Variants in BEST3 observed in about 807,000 individuals in gnomAD.
The protein encoded by BEST3 is bestrophin-3.
BEST3 carries 50 observed loss-of-function variants against 47.1 expected under a neutral mutation model. The ratio of observed to expected loss-of-function variants is 1.06; its 90% CI spans 0.85 to 1.34. BEST3 has a LOEUF of 1.34. Among genes scored for constraint, BEST3 ranks in the 40% most tolerant of loss-of-function variants. BEST3 has a pLI of 0.00. For missense variants in BEST3, 765 were observed against 817.0 expected, an observed-to-expected ratio of 0.94 and a Z score of 0.78; for synonymous variants, 282 against 298.8, an observed-to-expected ratio of 0.94 and a Z score of 0.58.
chr12:69,693,264 T>C (rs1394488402), intron 4 of BEST3, among the ~76,000 whole-genome samples: 4 of 23,436 alleles, frequency 1.7e-4, no homozygotes, highest in African/African-American at 9.5e-4. Flanking sequence ...TTCTTTTTTC[T>C]TTTTTTTTTT....
chr12:69,661,076 C>T (rs1025668256), intron 9 of BEST3: 5 of 152,170 alleles, frequency 3.3e-5, no homozygotes, highest in African/African-American at 1.2e-4. Context: ...AAGAAACAGG[C>T]TGATGAAGAT....
intron 7 of BEST3, 41 bp downstream of exon 7, chr12:69,676,875 C>T (rs1884954102): frequency 6.3e-7 from 1 of 1,594,240 alleles, no homozygotes; most frequent in Non-Finnish European, 8.6e-7. Context: ...GAGTCTGGAA[C>T]ATAACACATT....
chr12:69,645,956 A>C (rs1212652305), intron 9 of BEST3, among the ~76,000 whole-genome samples: 2 of 152,114 alleles, frequency 1.3e-5, no homozygotes, highest in Non-Finnish European at 2.9e-5. Flanking sequence ...TATTTATTTG[A>C]GATGGAGTCT....
intron 4 of BEST3, among the ~76,000 whole-genome samples, chr12:69,680,613 T>C (rs1885204225): frequency 6.6e-6 from 1 of 152,104 alleles, no homozygotes; most frequent in South Asian, 2.1e-4. Context: ...AGCCGATCTT[T>C]TCTTTTTAAA....
rs184227106 is a variant in BEST3 at position 69,668,092 on chromosome 12, C to A, written c.1100+3336G>T. On this transcript the variant is annotated intron_variant, in intron 9 of 9. Transcript: ENST00000330891. ...AAATGAACAGTGTGCTGAATGTGAA[C>A]AGCGCTGTTGAATGTGCTGGCTGGG... Among the ~76,000 whole-genome samples, 320 of 152,266 alleles carry A rather than the reference C, an allele frequency of 2.1e-3. 3 individuals are homozygous for A. The highest frequency in any genetic ancestry group is 7.2e-3 in the African/African-American group (301 of 41,556).
chr12:69,657,590 T>C (rs1182530677), intron 9 of BEST3, among the ~76,000 whole-genome samples: 1 of 152,220 alleles, frequency 6.6e-6, no homozygotes, highest in Non-Finnish European at 1.5e-5. Flanking sequence ...ATGCTCATCA[T>C]GCTAGCTCTG....
At chr12:69,673,178 A>G (rs1487173113) in intron 7 of BEST3, among the ~76,000 whole-genome samples, 1 of 152,216 alleles carries the variant, frequency 6.6e-6, no homozygotes, top group African/African-American at 2.4e-5. Context: ...ATGCTCTCCA[A>G]ATGGATCTGT....
intron 4 of BEST3, among the ~76,000 whole-genome samples, chr12:69,688,024 G>A (rs530421739): frequency 5.2e-4 from 79 of 152,312 alleles, no homozygotes; most frequent in Admixed American, 1.3e-3. Flanking sequence ...TCTAGCACCA[G>A]CTTGGTAATG....
downstream of BEST3, among the ~76,000 whole-genome samples, chr12:69,648,932 T>C (rs868604614): frequency 6.6e-6 from 1 of 152,220 alleles, no homozygotes; most frequent in Non-Finnish European, 1.5e-5. Flanking sequence ...AAGCTGAAGC[T>C]AGATCAGTTG....
In BEST3 at chr12:69,657,829, G is replaced by A. The variant is rs141321247; in HGVS notation, c.1101-2016C>T. On this transcript the variant is annotated intron_variant, in intron 9 of 9. Coordinates refer to ENST00000330891, the MANE Select transcript of BEST3 (RefSeq NM_032735.3). ...GGCTGAATGTCCTGGGACGGCGTTCGATTACAACCTTGTGCTGTTTTTCTA... is the reference window on the plus strand; with the variant it reads ...GGCTGAATGTCCTGGGACGGCGTTCAATTACAACCTTGTGCTGTTTTTCTA... Among the ~76,000 whole-genome samples the A allele has an allele frequency of 1.1e-3, 165 of 152,308 alleles. 1 individual carries two copies. The highest frequency in any genetic ancestry group is 3.6e-3 in the African/African-American group (150 of 41,566).
At position 69,677,163 on chromosome 12, in the gene BEST3, T is replaced by C; in HGVS notation, c.714+17A>G. 1 of 1,613,592 alleles carries C rather than the reference T, an allele frequency of 6.2e-7. No homozygotes were observed. The highest frequency in any genetic ancestry group is 8.5e-7 in the Non-Finnish European group (1 of 1,179,622). On this transcript the variant is annotated intron_variant, in intron 6 of 9. Transcript: ENST00000330891. ...AGGCAAGTAGAAATAAAGAATTCCA[T>C]GAAAAGTATTTCTTACCTGGGTGTA...
intron 7 of BEST3, among the ~76,000 whole-genome samples, chr12:69,673,821 G>A (rs1274807776): frequency 2.1e-5 from 1 of 48,632 alleles, no homozygotes; most frequent in African/African-American, 6.2e-5. Context: ...GGAAATTGAG[G>A]CTTACCTAGT....
At chr12:69,681,176 T>C (rs964496099) in intron 4 of BEST3, among the ~76,000 whole-genome samples, 1 of 149,336 alleles carries the variant, frequency 6.7e-6, no homozygotes, top group African/African-American at 2.4e-5. Flanking sequence ...ATATTAATTT[T>C]TGAGTTTTTT....
At chr12:69,667,246 T>C (rs1884276407) in intron 9 of BEST3, among the ~76,000 whole-genome samples, 1 of 152,192 alleles carries the variant, frequency 6.6e-6, no homozygotes. Flanking sequence ...AGCCCTCTGC[T>C]GAATCCCCTC....
chr12:69,649,188 C>G (rs776174), downstream of BEST3, among the ~76,000 whole-genome samples: 147,071 of 152,316 alleles, frequency 0.97, 71,216 homozygotes, highest in East Asian at 1. Flanking sequence ...AGTAGAGACA[C>G]GATTTTGCCA....
rs566733141 is a variant in BEST3, at chr12:69,694,439, GT to G, written c.177del (p.Lys59AsnfsTer20). On this transcript the variant is annotated frameshift_variant, in exon 3 of 10. Transcript: ENST00000330891. LOFTEE classifies it high-confidence loss of function. Reference sequence around the variant, plus strand: ...TAAATTGATAATTTTTCAAAGTAACGTTTTTGGACTCCTGTAAGTAACAATC... The same window carrying G: ...TAAATTGATAATTTTTCAAAGTAACGTTTTGGACTCCTGTAAGTAACAATC... Reference protein sequence around the residue: ...VYRLLLTGVQKRYFEKLSIYC... With the variant: ...VYRLLLTGVQXRYFEKLSIYC... 0.031 allele frequency: 49,441 copies of G among 1,604,946 alleles called. 897 individuals carry two copies. The highest frequency in any genetic ancestry group is 0.036 in the Non-Finnish European group (42,554 of 1,174,758).
At position 69,689,434 on chromosome 12, in the gene BEST3, G is replaced by A. The variant is rs7298838; in HGVS notation, c.481+4240C>T. 4.0e-3 allele frequency among the ~76,000 whole-genome samples: 602 copies of A among 152,062 alleles called. 2 individuals carry two copies. The highest frequency in any genetic ancestry group is 0.014 in the African/African-American group (571 of 41,438). On this transcript the variant is annotated intron_variant, in intron 4 of 9. Transcript: ENST00000330891. ...CTGCCGCCTAACACACAATGCTTGC[G>A]TATAGTATGGTCTTATACTGAATCA...
In BEST3 at chr12:69,686,972, T is replaced by C. The variant is rs188376552; in HGVS notation, c.481+6702A>G. On this transcript the variant is annotated intron_variant, in intron 4 of 9. Coordinates refer to ENST00000330891, the MANE Select transcript of BEST3 (RefSeq NM_032735.3). ...ACATTTCACAAGACTGTTTTGATCT[T>C]CATTTCTCTTAATTTCCCTTAGAAA... Among the ~76,000 whole-genome samples, 17 of 152,256 alleles carry C rather than the reference T, an allele frequency of 1.1e-4. No individual in the cohort carries two copies. In the East Asian group the frequency reaches 3.1e-3, roughly 28 times the overall value.
At chr12:69,657,789 C>G (rs1388147432) in intron 9 of BEST3, among the ~76,000 whole-genome samples, 3 of 152,174 alleles carry the variant, frequency 2.0e-5, no homozygotes, top group African/African-American at 7.2e-5. Context: ...ACATGGATGA[C>G]TGAGATGATT....
Sources: allele counts gnomAD v4.1 joint callset (sites outside exome capture counted in the v4.1 genomes callset), GRCh38; gene constraint gnomAD v4.1.1; transcripts MANE v1.5; gene names NCBI Gene and HGNC (gene_info 2026-07-23, HGNC 2026-07-21).